CECR2: variants seen among roughly 807,000 people sequenced by gnomAD.
CECR2 encodes chromatin remodeling regulator CECR2.
A neutral mutation model predicts 154.5 loss-of-function variants in CECR2; 30 were observed. The ratio of observed to expected loss-of-function variants is 0.19; its 90% confidence interval spans 0.15 to 0.26. The LOEUF is 0.26. CECR2 is among the 10% of genes least tolerant of loss of function. The pLI is 1.00. For synonymous variants in CECR2, 725 were observed against 683.7 expected (o/e 1.06, Z -0.94); for missense variants, 1,743 against 1,829.3 (o/e 0.95, Z 0.86).
chr22:17,478,971 C>T (rs1371945751), intron 2 of CECR2, among the ~76,000 whole-genome samples: 1 of 151,686 alleles, frequency 6.6e-6, no homozygotes. Context: ...GTATTCGTAC[C>T]TTGTGTTTAA....
intron 1 of CECR2, among the ~76,000 whole-genome samples, chr22:17,390,679 C>T (rs1345602847): frequency 3.9e-5 from 6 of 151,952 alleles, no homozygotes; most frequent in African/African-American, 1.2e-4. Flanking sequence ...GGTCTGTTGC[C>T]GAAAGTGGAG....
At chr22:17,437,431 G>A (rs1049576269) in intron 1 of CECR2, among the ~76,000 whole-genome samples, 8 of 151,968 alleles carry the variant, frequency 5.3e-5, no homozygotes, top group African/African-American at 1.9e-4. Flanking sequence ...AATGTTAAAG[G>A]GGCCGCCTTT....
intron 2 of CECR2, among the ~76,000 whole-genome samples, chr22:17,479,765 C>CTTTTTTT (rs571664926): frequency 1.7e-5 from 2 of 117,094 alleles, no homozygotes; most frequent in Admixed American, 9.4e-5. Flanking sequence ...TGTGGTCTTT[C>CTTTTTTT]TTTTTTTTTT....
chr22:17,526,065 A>G (rs894421087), intron 9 of CECR2, among the ~76,000 whole-genome samples: 1 of 152,230 alleles, frequency 6.6e-6, no homozygotes, highest in African/African-American at 2.4e-5. Context: ...CAGTATTCTT[A>G]AAATGTCCAT....
At chr22:17,464,163 C>T (rs12157361) in intron 1 of CECR2, among the ~76,000 whole-genome samples, 21,487 of 152,110 alleles carry the variant, frequency 0.14, 2,383 homozygotes, top group African/African-American at 0.31. Flanking sequence ...ATCTCTGAGG[C>T]TTCAGTCATT....
chr22:17,542,281 A>T lies in CECR2; in HGVS notation c.2138A>T (p.Gln713Leu). The T allele has an allele frequency of 1.9e-6, 3 of 1,611,450 alleles. No homozygotes were observed. The highest frequency in any genetic ancestry group is 1.7e-6 in the Non-Finnish European group (2 of 1,178,766). The change falls in exon 16 of 19, where the codon CAG (glutamine) becomes CTG (leucine). Residue 713 changes from glutamine (Q) to leucine (L), a missense_variant. Physicochemically the swap from Gln to Leu is moderately radical, Grantham distance 113. Around this residue, in one of 4 missense-constraint regions of CECR2, gnomAD observed 1,250 missense variants for 1,192.1 expected, o/e 1.05. Coordinates refer to ENST00000262608, the MANE Select transcript of CECR2 (RefSeq NM_001290047.2). ...CACCCTGGATCCTTGCAGCTTGGGC[A>T]GATAAGTGGCCCAAGTCAGGATGGA... Reference protein sequence around the residue: ...GPHPGSLQLGQISGPSQDGSM... With the variant: ...GPHPGSLQLGLISGPSQDGSM...
upstream of CECR2, among the ~76,000 whole-genome samples, chr22:17,364,742 G>A (rs939426083): frequency 3.3e-5 from 5 of 152,154 alleles, no homozygotes; most frequent in African/African-American, 9.7e-5. Flanking sequence ...CAGGAGAACC[G>A]CCTGAACGCA....
intron 2 of CECR2, among the ~76,000 whole-genome samples, chr22:17,479,289 G>T (rs548839523): frequency 6.6e-6 from 1 of 152,194 alleles, no homozygotes; most frequent in Non-Finnish European, 1.5e-5. Context: ...GTGCGTGAGA[G>T]TGTCTGCTTG....
At chr22:17,539,279 C>G in intron 13 of CECR2, 160 bp downstream of exon 13, 1 of 751,968 alleles carries the variant, frequency 1.3e-6, no homozygotes, top group South Asian at 1.7e-5. Flanking sequence ...TATACAGTGT[C>G]TGCCAGGGAT....
chr22:17,447,216 T>A (rs2054685825), intron 1 of CECR2, among the ~76,000 whole-genome samples: 1 of 150,286 alleles, frequency 6.7e-6, no homozygotes, highest in Non-Finnish European at 1.5e-5. Flanking sequence ...TTGTGTTTTT[T>A]AGTAGACGGG....
At chr22:17,484,572 T>C (rs934514552) in intron 2 of CECR2, among the ~76,000 whole-genome samples, 4 of 152,170 alleles carry the variant, frequency 2.6e-5, no homozygotes, top group Non-Finnish European at 4.4e-5. Context: ...ACCATTATTA[T>C]AGACTGTTTT....
At chr22:17,363,756 A>T (rs764101408) in intron 1 of CECR2, among the ~76,000 whole-genome samples, 2 of 152,106 alleles carry the variant, frequency 1.3e-5, no homozygotes, top group Non-Finnish European at 2.9e-5. Context: ...CCACCTCAGC[A>T]TCTGGAGTAA....
chr22:17,507,465 A>G (rs906610528), intron 7 of CECR2, among the ~76,000 whole-genome samples: 1 of 152,242 alleles, frequency 6.6e-6, no homozygotes, highest in Non-Finnish European at 1.5e-5. Flanking sequence ...GTAACCTTGC[A>G]TATGACTTTA....
At chr22:17,489,857 C>T (rs537656338) in intron 2 of CECR2, among the ~76,000 whole-genome samples, 25 of 148,674 alleles carry the variant, frequency 1.7e-4, no homozygotes, top group Non-Finnish European at 1.3e-4. Flanking sequence ...TTTATTTCCT[C>T]TGTTTACTTT....
At chr22:17,533,481 T>C (rs911410164) in intron 9 of CECR2, among the ~76,000 whole-genome samples, 1 of 151,168 alleles carries the variant, frequency 6.6e-6, no homozygotes, top group African/African-American at 2.4e-5. Context: ...AATACAATAA[T>C]TACCCAGGCA....
intron 1 of CECR2, among the ~76,000 whole-genome samples, chr22:17,438,187 C>T (rs947313483): frequency 3.3e-5 from 5 of 152,142 alleles, no homozygotes; most frequent in Non-Finnish European, 5.9e-5. Context: ...AACAAAAATG[C>T]CCCAGATGAC....
At chr22:17,428,114 A>G (rs187186743) in intron 1 of CECR2, among the ~76,000 whole-genome samples, 4 of 152,352 alleles carry the variant, frequency 2.6e-5, no homozygotes, top group Non-Finnish European at 4.4e-5. Flanking sequence ...TGTAGGCTGC[A>G]TAAATGTCTT....
At position 17,553,079 on chromosome 22, in the gene CECR2, C is replaced by T; in HGVS notation, c.*239C>T. On this transcript the variant is annotated 3_prime_UTR_variant, in exon 19 of 19. Coordinates refer to ENST00000262608, the MANE Select transcript of CECR2 (RefSeq NM_001290047.2). ...GGATCTCTTGCACAGCTGATGTAGACAGTCAGGCAAAACTAATGAACGTGG... is the reference window on the plus strand; with the variant it reads ...GGATCTCTTGCACAGCTGATGTAGATAGTCAGGCAAAACTAATGAACGTGG... The T allele has an allele frequency of 1.2e-6, 1 of 866,320 alleles. No individual in the cohort carries two copies. The highest frequency in any genetic ancestry group is 1.5e-6 in the Non-Finnish European group (1 of 645,406). 53.7% of individuals were successfully genotyped at this position (866,320 alleles called of 1,614,324 possible).
chr22:17,408,764 A>G (rs778617350), intron 1 of CECR2, among the ~76,000 whole-genome samples: 6 of 152,210 alleles, frequency 3.9e-5, no homozygotes, highest in Non-Finnish European at 7.3e-5. Context: ...CCTACCTTGT[A>G]TTACCTTGTA....
Sources: gnomAD v4.1 joint callset for allele counts (sites outside exome capture counted in the v4.1 genomes callset) on GRCh38, gnomAD v4.1.1 for gene constraint, gnomAD v4.1.1 regional missense constraint, MANE v1.5 for transcripts, NCBI Gene and HGNC (gene_info 2026-07-23, HGNC 2026-07-21) for gene names.